The following ST8SIA6 variants were observed in gnomAD, a reference collection of about 807,000 sequenced individuals.
ST8SIA6 encodes the protein ST8 alpha-N-acetyl-neuraminide alpha-2,8-sialyltransferase 6, also known as alpha-2,8-sialyltransferase 8F.
ST8SIA6 carries 39 observed loss-of-function variants against 33.6 expected under a neutral mutation model. That is an observed-to-expected ratio of 1.16 (90% CI 0.90 to 1.52). The LOEUF (loss-of-function observed/expected upper bound fraction) is 1.52. ST8SIA6 is among the 40% of genes most tolerant of loss of function. ST8SIA6 has a pLI of 0.00. For synonymous variants in ST8SIA6, 172 were observed against 167.2 expected (o/e 1.03, Z -0.22); for missense variants, 441 against 443.8 (o/e 0.99, Z 0.06).
At chr10:17,378,771 A>G (rs954608040) in intron 3 of ST8SIA6, among the ~76,000 whole-genome samples, 1 of 152,146 alleles carries the variant, frequency 6.6e-6, no homozygotes, top group Non-Finnish European at 1.5e-5. Flanking sequence ...GTCTATAGAA[A>G]CCTAGAGTCC....
At position 17,406,161 on chromosome 10, in the gene ST8SIA6, A is replaced by G. The variant is rs529144079; in HGVS notation, c.201-15541T>C. Among the ~76,000 whole-genome samples, 8 of 152,306 alleles carry G rather than the reference A, an allele frequency of 5.3e-5. No homozygotes were observed. The South Asian group carries it at 8.3e-4, about 16-fold the overall frequency. On this transcript the variant is annotated intron_variant, in intron 2 of 7. Coordinates refer to ENST00000377602, the MANE Select transcript of ST8SIA6 (RefSeq NM_001004470.3). Reference sequence around the variant, plus strand: ...TAAAGGCAATTAAGAAGCAGACAGAAAAGCTCTCTGCCTTCCTTCTGTTTG... The same window carrying G: ...TAAAGGCAATTAAGAAGCAGACAGAGAAGCTCTCTGCCTTCCTTCTGTTTG...
intron 2 of ST8SIA6, among the ~76,000 whole-genome samples, chr10:17,405,945 G>A (rs1399123551): frequency 3.3e-5 from 5 of 151,636 alleles, no homozygotes; most frequent in Non-Finnish European, 7.4e-5. Flanking sequence ...GCTTCCTCAG[G>A]TGCAAAATGA....
intron 2 of ST8SIA6, among the ~76,000 whole-genome samples, chr10:17,420,534 C>A (rs1440176336): frequency 6.6e-6 from 1 of 152,218 alleles, no homozygotes; most frequent in African/African-American, 2.4e-5. Flanking sequence ...TAAGGGTCAT[C>A]TAGAGACTAG....
At position 17,338,290 on chromosome 10, in the gene ST8SIA6, C is replaced by T. The variant is rs151281505; in HGVS notation, c.378-6738G>A. ...CTCAGTGATCCGCTCGCCTCGGCCTCCCAAAGTGTTGGGATTACAGGCGTG... is the reference window on the plus strand; with the variant it reads ...CTCAGTGATCCGCTCGCCTCGGCCTTCCAAAGTGTTGGGATTACAGGCGTG... On this transcript the variant is annotated intron_variant, in intron 4 of 7. Coordinates refer to ENST00000377602, the MANE Select transcript of ST8SIA6 (RefSeq NM_001004470.3). Among the ~76,000 whole-genome samples, 1,115 of 152,296 alleles carry T rather than the reference C, an allele frequency of 7.3e-3. 8 individuals are homozygous for T. Among genetic ancestry groups the T allele is most frequent in the Admixed American group, 0.012 (178 of 15,298 alleles).
chr10:17,437,539 T>G (rs1203309262), intron 2 of ST8SIA6, among the ~76,000 whole-genome samples: 1 of 152,010 alleles, frequency 6.6e-6, no homozygotes, highest in African/African-American at 2.4e-5. Context: ...CAGACTCACC[T>G]TGGAGAGATC....
intron 2 of ST8SIA6, among the ~76,000 whole-genome samples, chr10:17,432,303 T>C (rs970865979): frequency 3.9e-5 from 6 of 152,118 alleles, no homozygotes; most frequent in African/African-American, 1.2e-4. Context: ...AGGATGGAGT[T>C]TGTATTTAAA....
intron 2 of ST8SIA6, among the ~76,000 whole-genome samples, chr10:17,399,649 GCTTACAC>G (rs1850962180): frequency 6.6e-6 from 1 of 152,130 alleles, no homozygotes; most frequent in African/African-American, 2.4e-5. Flanking sequence ...AGGTGTGGTG[GCTTACAC>G]CTGTAATCCC....
intron 3 of ST8SIA6, among the ~76,000 whole-genome samples, chr10:17,377,703 C>T (rs1335417490): frequency 6.6e-6 from 1 of 152,202 alleles, no homozygotes; most frequent in Non-Finnish European, 1.5e-5. Context: ...TTCCCTCCCA[C>T]TATAACTCCA....
chr10:17,397,565 T>A lies in ST8SIA6; in HGVS notation c.201-6945A>T, dbSNP rs78250913. ...TGCACATTTGATCACATCATTTCCC[T>A]GCTCAAAGACCTTCCATCCCCATCG... On this transcript the variant is annotated intron_variant, in intron 2 of 7. Transcript: ENST00000377602. Among the ~76,000 whole-genome samples, 1,212 of 152,270 alleles carry A rather than the reference T, an allele frequency of 8.0e-3. 17 individuals are homozygous for A. Among genetic ancestry groups the A allele is most frequent in the African/African-American group, 0.028 (1,154 of 41,568 alleles).
At chr10:17,346,491 G>A (rs936843365) in intron 4 of ST8SIA6, among the ~76,000 whole-genome samples, 5 of 152,186 alleles carry the variant, frequency 3.3e-5, no homozygotes, top group African/African-American at 9.7e-5. Flanking sequence ...CTACTCAGGA[G>A]GCTGAGGCAG....
At chr10:17,374,715 AAAATAAATAAAT>A (rs200761061) in intron 3 of ST8SIA6, among the ~76,000 whole-genome samples, 6 of 134,816 alleles carry the variant, frequency 4.5e-5, no homozygotes, top group Admixed American at 3.8e-4. Context: ...CTCTGTCTCA[AAAATAAATAAAT>A]AAATAAATAA....
intron 2 of ST8SIA6, among the ~76,000 whole-genome samples, chr10:17,415,173 A>G (rs554483814): frequency 5.3e-5 from 8 of 152,226 alleles, no homozygotes; most frequent in South Asian, 2.1e-4. Flanking sequence ...TCAACAATCT[A>G]TTCCCTCATC....
intron 2 of ST8SIA6, 75 bp downstream of exon 2, chr10:17,453,484 A>G: frequency 8.6e-7 from 1 of 1,162,964 alleles, no homozygotes; most frequent in Non-Finnish European, 1.1e-6. Context: ...AACGAGTCCA[A>G]GCCGGTGCAG....
intron 2 of ST8SIA6, among the ~76,000 whole-genome samples, chr10:17,422,258 A>C (rs935028270): frequency 1.3e-5 from 2 of 152,196 alleles, no homozygotes; most frequent in Non-Finnish European, 2.9e-5. Context: ...AACTGTTCTA[A>C]AACGTTTGTG....
At chr10:17,381,446 A>C (rs1596617) in intron 3 of ST8SIA6, among the ~76,000 whole-genome samples, 5,795 of 151,352 alleles carry the variant, frequency 0.038, 135 homozygotes, top group African/African-American at 0.063. Flanking sequence ...TCACTAGTAA[A>C]AATACACAAA....
chr10:17,397,487 G>A (rs779135433), intron 2 of ST8SIA6, among the ~76,000 whole-genome samples: 11 of 152,064 alleles, frequency 7.2e-5, no homozygotes, highest in Admixed American at 2.6e-4. Context: ...CGCCCGCCTC[G>A]GCCTCCCAAA....
At chr10:17,338,715 A>G (rs1387619430) in intron 4 of ST8SIA6, among the ~76,000 whole-genome samples, 3 of 152,202 alleles carry the variant, frequency 2.0e-5, no homozygotes, top group African/African-American at 7.2e-5. Context: ...CAGGATTATC[A>G]GGTGACCCGA....
intron 4 of ST8SIA6, among the ~76,000 whole-genome samples, chr10:17,339,533 A>T (rs951736273): frequency 5.9e-5 from 9 of 152,246 alleles, no homozygotes; most frequent in Non-Finnish European, 1.2e-4. Flanking sequence ...AATCATTTCT[A>T]AAATGGCCAC....
chr10:17,440,207 A>ATTTTTTTT (rs199531697), intron 2 of ST8SIA6, among the ~76,000 whole-genome samples: 3 of 135,896 alleles, frequency 2.2e-5, no homozygotes, highest in African/African-American at 8.6e-5. Context: ...TCTCAAATGT[A>ATTTTTTTT]TTTTTTTTTT....
Sources: gnomAD v4.1 joint callset for allele counts (sites outside exome capture counted in the v4.1 genomes callset) on GRCh38, gnomAD v4.1.1 for gene constraint, MANE v1.5 for transcripts, NCBI Gene and HGNC (gene_info 2026-07-23, HGNC 2026-07-21) for gene names.